Variants in CDK5RAP2 observed in about 807,000 individuals in gnomAD.
CDK5RAP2 encodes CDK5 regulatory subunit associated protein 2.
Under a neutral mutation model 232.9 loss-of-function variants are expected in CDK5RAP2, and 147 were observed. The ratio of observed to expected loss-of-function variants is 0.63; its 90% CI spans 0.55 to 0.72. The LOEUF (loss-of-function observed/expected upper bound fraction) is 0.72. Among genes scored for constraint, CDK5RAP2 ranks in the 30% least tolerant of loss-of-function variants. The pLI, the probability that CDK5RAP2 is intolerant of heterozygous loss-of-function variation, is 0.00. For missense variants in CDK5RAP2, 2,195 were observed against 2,231.5 expected (o/e 0.98, Z 0.33); for synonymous variants, 833 against 833.7 (o/e 1.00, Z 0.01).
At chr9:120,417,367 C>T (rs567101623) in intron 27 of CDK5RAP2, among the ~76,000 whole-genome samples, 3 of 152,230 alleles carry the variant, frequency 2.0e-5, no homozygotes, top group East Asian at 1.9e-4. Context: ...CACCTCCACA[C>T]TCCTTAAACT....
intron 25 of CDK5RAP2, among the ~76,000 whole-genome samples, chr9:120,427,261 T>TA (rs1331338898): frequency 1.3e-5 from 2 of 152,086 alleles, no homozygotes; most frequent in South Asian, 4.1e-4. Context: ...CCAATGAGCT[T>TA]AAAAAACAAA....
intron 15 of CDK5RAP2, among the ~76,000 whole-genome samples, chr9:120,473,896 A>G (rs1355570235): frequency 6.6e-6 from 1 of 152,204 alleles, no homozygotes; most frequent in East Asian, 1.9e-4. Context: ...TCTGTCATTT[A>G]TGTTTTCCCA....
chr9:120,432,775 T>C (rs1046365550), intron 25 of CDK5RAP2, among the ~76,000 whole-genome samples: 1 of 152,200 alleles, frequency 6.6e-6, no homozygotes, highest in Admixed American at 6.5e-5. Flanking sequence ...AGTGGCTAGA[T>C]GAAGGAAGGA....
At chr9:120,520,682 C>G (rs1370134018) in intron 11 of CDK5RAP2, among the ~76,000 whole-genome samples, 1 of 147,238 alleles carries the variant, frequency 6.8e-6, no homozygotes, top group Non-Finnish European at 1.5e-5. Context: ...TATCACATAT[C>G]ATATGAGATA....
chr9:120,580,071 C>T lies in CDK5RAP2; in HGVS notation c.-93G>A, dbSNP rs2043189404. 1.3e-6 allele frequency: 1 copy of T among 742,056 alleles called. No homozygotes were observed. The highest frequency in any genetic ancestry group is 2.4e-6 in the Non-Finnish European group (1 of 416,860). 46.0% of individuals were successfully genotyped at this position (742,056 alleles called of 1,614,324 possible). On this transcript the variant is annotated 5_prime_UTR_variant, in exon 1 of 38. Transcript: ENST00000349780. ...ACCCGCCGGGCTCCCCAGGTCCCCG[C>T]CCCCTCCACCCCAGCTCTTGTTCAG... is the stretch of plus-strand genomic sequence containing the variant.
At position 120,422,734 on chromosome 9, in the gene CDK5RAP2, T is replaced by A. The variant is rs1205097279; in HGVS notation, c.3963A>T (p.Ser1321=). 4 of 1,612,290 alleles carry A rather than the reference T, an allele frequency of 2.5e-6. No homozygotes were observed. Among genetic ancestry groups the A allele is most frequent in the Admixed American group, 1.7e-5 (1 of 60,024 alleles). Residue 1321 remains serine (S), a synonymous_variant, in exon 26 of 38, where the codon TCA becomes TCT. Transcript: ENST00000349780. ...KLEKLFLNGK[S]VGVEMNTQNE... Reference sequence around the variant, plus strand: ...TCTGGGTGTTCATTTCCACTCCAACTGATTTTCCTGGAAGCAGAAATAACA... The same window carrying A: ...TCTGGGTGTTCATTTCCACTCCAACAGATTTTCCTGGAAGCAGAAATAACA...
intron 17 of CDK5RAP2, 150 bp downstream of exon 17, chr9:120,469,961 G>T: frequency 3.5e-6 from 2 of 578,796 alleles, no homozygotes; most frequent in South Asian, 2.0e-5. Context: ...TCCAGTTAAC[G>T]GACACAGGAG....
At chr9:120,419,064 C>A (rs1445517462) in intron 27 of CDK5RAP2, among the ~76,000 whole-genome samples, 1 of 152,094 alleles carries the variant, frequency 6.6e-6, no homozygotes, top group African/African-American at 2.4e-5. Flanking sequence ...GAGGGTAGAG[C>A]CCTCACAGTG....
intron 6 of CDK5RAP2, among the ~76,000 whole-genome samples, chr9:120,537,160 A>G (rs1389203149): frequency 6.6e-6 from 1 of 152,194 alleles, no homozygotes; most frequent in Admixed American, 6.5e-5. Flanking sequence ...ATTACATCAC[A>G]AAGATAAACA....
intron 25 of CDK5RAP2, among the ~76,000 whole-genome samples, chr9:120,427,738 C>T (rs1345755112): frequency 6.6e-6 from 1 of 152,038 alleles, no homozygotes; most frequent in South Asian, 2.1e-4. Context: ...ATGGTTTGAA[C>T]GGAATCATGG....
At chr9:120,485,293 C>CTTTTTTTTT (rs111411839) in intron 14 of CDK5RAP2, among the ~76,000 whole-genome samples, 6 of 132,348 alleles carry the variant, frequency 4.5e-5, no homozygotes, top group African/African-American at 1.7e-4. Flanking sequence ...CATTTAGATA[C>CTTTTTTTTT]TTTTTTTTTT....
Position 120,448,062 on chromosome 9 carries a change from C to T in CDK5RAP2, c.2858G>A (p.Arg953His), listed in dbSNP as rs149193447. 1.1e-5 allele frequency: 18 copies of T among 1,614,104 alleles called. No individual in the cohort carries two copies. The highest frequency in any genetic ancestry group is 3.3e-5 in the Admixed American group (2 of 60,016). The change falls in exon 22 of 38, where the codon CGT becomes CAT. Residue 953 changes from arginine (R) to histidine (H), a missense_variant. Arg to His is a conservative substitution (Grantham distance 29, BLOSUM62 0). Coordinates refer to ENST00000349780, the MANE Select transcript of CDK5RAP2 (RefSeq NM_018249.6). ...KPSRSLGNMY[R>H]LPATQEVVTQ... ...CACCACCTCCTGGGTGGCAGGGAGA[C>T]GATACATATTTCCTAATGACCGGGA...
chr9:120,451,996 T>TA (rs541978307), intron 21 of CDK5RAP2, among the ~76,000 whole-genome samples: 82 of 151,548 alleles, frequency 5.4e-4, no homozygotes, highest in African/African-American at 1.9e-3. Flanking sequence ...AATTTCAAAC[T>TA]AAAAAAATAC....
rs148857536 is a variant in CDK5RAP2 at position 120,400,875 on chromosome 9, G to A, written c.5318C>T (p.Pro1773Leu). The A allele has an allele frequency of 6.2e-7, 1 of 1,614,100 alleles. No individual in the cohort carries two copies. Among genetic ancestry groups the A allele is most frequent in the South Asian group, 1.1e-5 (1 of 91,072 alleles). Residue 1773 changes from proline to leucine, a missense_variant, in exon 35 of 38, where the codon CCA becomes CTA. By Grantham distance (98) the Pro-to-Leu change is moderately conservative (BLOSUM62 -3). Transcript: ENST00000349780. Reference protein sequence around the residue: ...SQELGTKGPHPAPLSKFVSSV... With the variant: ...SQELGTKGPHLAPLSKFVSSV... The stretch of plus-strand genomic sequence containing the variant: ...GCTCACAAACTTGCTCAGTGGTGCT[G>A]GGTGTGGACCCTACACGGGGGATAT...
rs750075737 is a variant in CDK5RAP2 at position 120,439,474 on chromosome 9, T to A, written c.3647A>T (p.Glu1216Val). Residue 1216 changes from glutamate to valine, a missense_variant, in exon 24 of 38, where the codon GAG (glutamate) becomes GTG (valine). By Grantham distance (121) the Glu-to-Val change is moderately radical. Coordinates refer to ENST00000349780, the MANE Select transcript of CDK5RAP2 (RefSeq NM_018249.6). ...LEEQEYKLQK[E>V]QNLNMQLFSE... is the part of the protein sequence containing the mutation. ...GAAAAGTTGCATGTTCAAATTCTGC[T>A]CCTTCTGCAGCTTGTATTCCTGTTC... 3.1e-6 allele frequency: 5 copies of A among 1,614,208 alleles called. No homozygotes were observed. In the South Asian group the frequency reaches 5.5e-5, roughly 18 times the overall value.
intron 7 of CDK5RAP2, 119 bp from the exon 8 acceptor site, chr9:120,530,259 C>T (rs1299266807): frequency 2.9e-6 from 2 of 690,524 alleles, no homozygotes; most frequent in Non-Finnish European, 5.0e-6. Context: ...TGGCTGAACA[C>T]AAACAGAATC....
In CDK5RAP2 at chr9:120,496,839, G is replaced by A. The variant is rs1301026202; in HGVS notation, c.1312-5362C>T. Among the ~76,000 whole-genome samples, 51 of 140,394 alleles carry A rather than the reference G, an allele frequency of 3.6e-4. 1 individual carries two copies. The highest frequency in any genetic ancestry group is 1.4e-3 in the African/African-American group (46 of 33,538). 92.1% of individuals were successfully genotyped at this position (140,394 alleles called of 152,430 possible). ...CCGCCCCGTCCGGGAGGTGAGGGGC[G>A]CCTCTGCCCGGCCGCCCCTACTGGG... On this transcript the variant is annotated intron_variant, in intron 12 of 37. Coordinates refer to ENST00000349780, the MANE Select transcript of CDK5RAP2 (RefSeq NM_018249.6).
At chr9:120,464,112 T>G (rs1021892230) in intron 18 of CDK5RAP2, among the ~76,000 whole-genome samples, 3 of 152,200 alleles carry the variant, frequency 2.0e-5, no homozygotes, top group African/African-American at 7.2e-5. Flanking sequence ...CTTTTTTCTT[T>G]CTTGCTTCTC....
intron 28 of CDK5RAP2, among the ~76,000 whole-genome samples, chr9:120,414,674 G>C (rs752293246): frequency 2.0e-5 from 3 of 152,200 alleles, no homozygotes; most frequent in Non-Finnish European, 4.4e-5. Flanking sequence ...ATGTTTTTAA[G>C]TTCTTCATGG....
Sources: allele counts gnomAD v4.1 joint callset (sites outside exome capture counted in the v4.1 genomes callset), GRCh38; gene constraint gnomAD v4.1.1; transcripts MANE v1.5; gene names NCBI Gene and HGNC (gene_info 2026-07-23, HGNC 2026-07-21).